The following BICDL1 variants were observed in gnomAD, a reference collection of about 807,000 sequenced individuals.
The protein encoded by BICDL1 is BICD family-like cargo adapter 1.
A neutral mutation model predicts 76.8 loss-of-function variants in BICDL1; 20 were observed. That is an observed-to-expected ratio of 0.26 (90% CI 0.18 to 0.38). The LOEUF (loss-of-function observed/expected upper bound fraction) is 0.38. BICDL1 is among the 10% of genes least tolerant of loss of function. The pLI, the probability that BICDL1 is intolerant of heterozygous loss-of-function variation, is 1.00. For synonymous variants in BICDL1, 383 were observed against 337.1 expected (o/e 1.14, Z -1.49); for missense variants, 700 against 798.6 (o/e 0.88, Z 1.49).
chr12:120,076,604 G>T (rs954007732), intron 7 of BICDL1, among the ~76,000 whole-genome samples: 7 of 151,930 alleles, frequency 4.6e-5, no homozygotes, highest in African/African-American at 1.7e-4. Context: ...AATGGTTTAG[G>T]CCAGTTGCTG....
chr12:120,010,560 C>T (rs1161922014), intron 2 of BICDL1, among the ~76,000 whole-genome samples: 1 of 152,206 alleles, frequency 6.6e-6, no homozygotes, highest in Non-Finnish European at 1.5e-5. Context: ...GGTTCTCAAA[C>T]TATTCTGAGG....
intron 2 of BICDL1, among the ~76,000 whole-genome samples, chr12:120,015,709 A>G (rs1446481322): frequency 6.6e-6 from 1 of 152,202 alleles, no homozygotes; most frequent in Non-Finnish European, 1.5e-5. Context: ...GTTCAAATGT[A>G]TAGCAAACTT....
chr12:120,070,941 G>C (rs1873047993), intron 4 of BICDL1, among the ~76,000 whole-genome samples: 1 of 151,960 alleles, frequency 6.6e-6, no homozygotes, highest in Non-Finnish European at 1.5e-5. Flanking sequence ...TGTTGGCCAG[G>C]CTGGTCTCGA....
intron 9 of BICDL1, chr12:120,091,811 A>C (rs1176671189): frequency 1.0e-6 from 1 of 985,236 alleles, no homozygotes; most frequent in Non-Finnish European, 1.2e-6. Context: ...AGGAGTGGAC[A>C]AGCTGCTCAG....
chr12:120,042,724 GA>G (rs779107898), intron 2 of BICDL1, among the ~76,000 whole-genome samples: 2 of 151,428 alleles, frequency 1.3e-5, no homozygotes, highest in Non-Finnish European at 2.9e-5. Context: ...AGAATCATTT[GA>G]ACCCGGGAGG....
intron 2 of BICDL1, among the ~76,000 whole-genome samples, chr12:120,029,217 A>G (rs1207602163): frequency 6.6e-6 from 1 of 152,176 alleles, no homozygotes; most frequent in Non-Finnish European, 1.5e-5. Flanking sequence ...CTCCACAGGT[A>G]TGAACAGAAT....
chr12:120,035,818 C>T (rs1952520744), intron 2 of BICDL1, among the ~76,000 whole-genome samples: 1 of 152,182 alleles, frequency 6.6e-6, no homozygotes, highest in African/African-American at 2.4e-5. Context: ...CTCTTCTTCC[C>T]CCAAGAGGAA....
At chr12:120,065,251 A>G (rs776806968) in intron 4 of BICDL1, among the ~76,000 whole-genome samples, 1 of 152,148 alleles carries the variant, frequency 6.6e-6, no homozygotes, top group Non-Finnish European at 1.5e-5. Flanking sequence ...TCAGCTCATA[A>G]TGCTCTCTGC....
At position 120,091,594 on chromosome 12, in the gene BICDL1, AAGAAGACAAGGGCAAGG is replaced by A. The variant is rs527650161; in HGVS notation, c.1705-1398_1705-1382del. On this transcript the variant is annotated intron_variant, in intron 9 of 9. Transcript: ENST00000548673. ...TGGAAAAGGGGATGGAAGAGAAGGG[AAGAAGACAAGGGCAAGG>A]AGAAGACCAGGAATGAGCTGAGTCT... 1.6e-4 allele frequency: 159 copies of A among 984,812 alleles called. No individual in the cohort carries two copies. The African/African-American group carries it at 2.5e-3, about 16-fold the overall frequency. 61.0% of individuals were successfully genotyped at this position (984,812 alleles called of 1,614,324 possible). A position where few individuals can be genotyped will look rare whatever the true frequency, so the allele number is the denominator to read the frequency against.
chr12:120,028,185 T>C (rs1344886550), intron 2 of BICDL1, among the ~76,000 whole-genome samples: 1 of 152,200 alleles, frequency 6.6e-6, no homozygotes, highest in African/African-American at 2.4e-5. Flanking sequence ...GCTCTGTCAT[T>C]ATCTGGGACT....
chr12:120,025,299 C>T (rs1299294636), intron 2 of BICDL1, among the ~76,000 whole-genome samples: 1 of 152,140 alleles, frequency 6.6e-6, no homozygotes, highest in African/African-American at 2.4e-5. Context: ...ATCCGCCCTC[C>T]TTGGCCTCCC....
Position 120,078,342 on chromosome 12 carries a change from G to A in BICDL1, c.1453-2545G>A, listed in dbSNP as rs144599023. 2.8e-4 allele frequency among the ~76,000 whole-genome samples: 43 copies of A among 152,334 alleles called. No individual in the cohort carries two copies. The East Asian group carries it at 7.5e-3, about 27-fold the overall frequency. ...CCTTGCTGAGAATAAGCACTCAAATGTTGTTGAACAAAAGAGCAAATTAAG... is the reference window on the plus strand; with the variant it reads ...CCTTGCTGAGAATAAGCACTCAAATATTGTTGAACAAAAGAGCAAATTAAG... On this transcript the variant is annotated intron_variant, in intron 7 of 9. Coordinates refer to ENST00000548673, the MANE Select transcript of BICDL1 (RefSeq NM_001367886.1).
At chr12:120,005,628 C>G (rs1263613677) in intron 2 of BICDL1, among the ~76,000 whole-genome samples, 1 of 152,324 alleles carries the variant, frequency 6.6e-6, no homozygotes, top group East Asian at 1.9e-4. Flanking sequence ...CTCGGCCTCC[C>G]AAAGTACTGG....
intron 2 of BICDL1, among the ~76,000 whole-genome samples, chr12:119,999,026 A>G (rs1380071131): frequency 1.4e-5 from 2 of 140,872 alleles, no homozygotes. Context: ...ATGCCACTAC[A>G]CTCCAGCCCG....
chr12:120,058,162 T>G (rs936042588), intron 2 of BICDL1, among the ~76,000 whole-genome samples: 4 of 152,048 alleles, frequency 2.6e-5, no homozygotes, highest in Non-Finnish European at 4.4e-5. Flanking sequence ...TATTGTAAAT[T>G]GAGATGAGAA....
chr12:119,994,566 T>A (rs1423209044), intron 1 of BICDL1, among the ~76,000 whole-genome samples: 4 of 152,160 alleles, frequency 2.6e-5, no homozygotes, highest in Non-Finnish European at 4.4e-5. Flanking sequence ...CTTGGCTCAC[T>A]GCAACCTCCG....
chr12:120,057,058 C>T (rs1952990297), intron 2 of BICDL1: 6 of 519,814 alleles, frequency 1.2e-5, no homozygotes, highest in Non-Finnish European at 1.9e-5. Flanking sequence ...AGGAAGAGAG[C>T]TTCAGGCTGT....
intron 9 of BICDL1, chr12:120,092,398 GGCCTCTGCCGCAGATGGGA>G: frequency 1.0e-6 from 1 of 985,404 alleles, no homozygotes; most frequent in South Asian, 4.7e-5. Flanking sequence ...TGAGGCCCCT[GGCCTCTGCCGCAGATGGGA>G]GCCTCAGCAG....
At chr12:120,026,753 GC>G (rs1228931589) in intron 2 of BICDL1, among the ~76,000 whole-genome samples, 1 of 152,186 alleles carries the variant, frequency 6.6e-6, no homozygotes, top group Non-Finnish European at 1.5e-5. Flanking sequence ...AGTGTCATAG[GC>G]TCTAGCTTGT....
Sources: gnomAD v4.1 joint callset for allele counts (sites outside exome capture counted in the v4.1 genomes callset) on GRCh38, gnomAD v4.1.1 for gene constraint, MANE v1.5 for transcripts, NCBI Gene and HGNC (gene_info 2026-07-23, HGNC 2026-07-21) for gene names.